Variants in F13A1 observed in about 807,000 individuals in gnomAD.
F13A1 encodes the protein FSF, A subunit.
F13A1 carries 47 observed loss-of-function variants against 80.1 expected under a neutral mutation model. The observed-to-expected ratio is 0.59, with a 90% CI of 0.46 to 0.75. The LOEUF (loss-of-function observed/expected upper bound fraction) is 0.75. Among genes scored for constraint, F13A1 ranks in the 30% least tolerant of loss-of-function variants. F13A1 has a pLI of 0.00. For synonymous variants in F13A1, 349 were observed against 344.9 expected (o/e 1.01, Z -0.13); for missense variants, 817 against 930.4 (o/e 0.88, Z 1.59).
intron 10 of F13A1, among the ~76,000 whole-genome samples, chr6:6,184,820 G>A (rs542575182): frequency 2.0e-5 from 3 of 152,250 alleles, no homozygotes; most frequent in African/African-American, 4.8e-5. Context: ...TGTCCTTTGC[G>A]GAGAGAGGAG....
rs3024474 is a variant in F13A1, at chr6:6,313,865, G to C, written c.130+4670C>G. ...TTGCTCAGGTGCTCAGAGGAAGCTG[G>C]AACAAGAGAAATGAGCCCCATACCT... is the stretch of plus-strand genomic sequence containing the variant. On this transcript the variant is annotated intron_variant, in intron 2 of 14. Transcript: ENST00000264870. Among the ~76,000 whole-genome samples the C allele has an allele frequency of 7.1e-3, 1,085 of 152,168 alleles. 13 individuals are homozygous for C. The highest frequency in any genetic ancestry group is 0.033 in the South Asian group (159 of 4,818).
chr6:6,203,775 C>A (rs1327291478), intron 8 of F13A1, among the ~76,000 whole-genome samples: 1 of 152,024 alleles, frequency 6.6e-6, no homozygotes, highest in African/African-American at 2.4e-5. Flanking sequence ...TGGTATGCAG[C>A]ATTAAAAACA....
At chr6:6,212,501 A>G (rs968087213) in intron 8 of F13A1, among the ~76,000 whole-genome samples, 1 of 152,236 alleles carries the variant, frequency 6.6e-6, no homozygotes, top group African/African-American at 2.4e-5. Context: ...ACAAACAGAA[A>G]GGACATCCAC....
intron 12 of F13A1, among the ~76,000 whole-genome samples, chr6:6,168,404 TTCTC>T (rs3839527): frequency 0.055 from 8,384 of 152,228 alleles, 300 homozygotes; most frequent in South Asian, 0.14. Context: ...CTGGCTCACT[TTCTC>T]TCTAACTCCC....
intron 6 of F13A1, among the ~76,000 whole-genome samples, chr6:6,240,703 A>G (rs947772583): frequency 1.3e-5 from 2 of 152,204 alleles, no homozygotes; most frequent in African/African-American, 4.8e-5. Flanking sequence ...CTGGCTTCCA[A>G]TATATCTGTC....
intron 2 of F13A1, among the ~76,000 whole-genome samples, chr6:6,306,244 A>G (rs1583123668): frequency 1.3e-5 from 2 of 152,234 alleles, no homozygotes; most frequent in Admixed American, 1.3e-4. Context: ...CCAGTTCAAA[A>G]GTCAAAACCT....
intron 12 of F13A1, among the ~76,000 whole-genome samples, chr6:6,170,001 A>G (rs1013214230): frequency 1.3e-5 from 2 of 152,140 alleles, no homozygotes; most frequent in African/African-American, 4.8e-5. Flanking sequence ...CTTTGGACCT[A>G]AGCCTGGACC....
At chr6:6,278,270 C>T (rs114417459) in intron 3 of F13A1, among the ~76,000 whole-genome samples, 1,732 of 152,126 alleles carry the variant, frequency 0.011, 17 homozygotes, top group South Asian at 0.032. Context: ...ATACGTCAAA[C>T]GGAGACAAGT....
At chr6:6,253,569 G>A (rs542605958) in intron 4 of F13A1, among the ~76,000 whole-genome samples, 11 of 152,294 alleles carry the variant, frequency 7.2e-5, no homozygotes, top group Middle Eastern at 6.8e-3. Flanking sequence ...TGTTCCCACC[G>A]GAAGCAGAGC....
At chr6:6,280,230 G>T (rs963037110) in intron 3 of F13A1, among the ~76,000 whole-genome samples, 1 of 152,166 alleles carries the variant, frequency 6.6e-6, no homozygotes, top group African/African-American at 2.4e-5. Context: ...GAGACAGGGT[G>T]GTGAATGTGC....
chr6:6,238,408 A>G (rs1357932066), intron 6 of F13A1, among the ~76,000 whole-genome samples: 2 of 152,152 alleles, frequency 1.3e-5, no homozygotes, highest in African/African-American at 4.8e-5. Context: ...AAGCTTCAAA[A>G]ATAAAACATA....
intron 8 of F13A1, among the ~76,000 whole-genome samples, chr6:6,219,097 G>C (rs1757148920): frequency 6.6e-6 from 1 of 152,118 alleles, no homozygotes; most frequent in African/African-American, 2.4e-5. Flanking sequence ...AGAGGAGAGG[G>C]GCCCCAGCCA....
chr6:6,243,941 C>T lies in F13A1; in HGVS notation c.798+4371G>A, dbSNP rs1461972095. ...CATCTCCTTGGGGGAAATTCTCTGC[C>T]CATAGTTGCTGCCAGATCCTATCAG... is the stretch of plus-strand genomic sequence containing the variant. On this transcript the variant is annotated intron_variant, in intron 6 of 14. Coordinates refer to ENST00000264870, the MANE Select transcript of F13A1 (RefSeq NM_000129.4). This position sits in a 1 kb window ranked among gnomAD's most constrained non-coding sequence, Gnocchi z 4.2. Among the ~76,000 whole-genome samples the T allele has an allele frequency of 6.6e-6, 1 of 152,160 alleles. No individual in the cohort carries two copies. Among genetic ancestry groups the T allele is most frequent in the Non-Finnish European group, 1.5e-5 (1 of 68,036 alleles).
At chr6:6,282,701 C>T (rs148758346) in intron 3 of F13A1, among the ~76,000 whole-genome samples, 17 of 152,234 alleles carry the variant, frequency 1.1e-4, no homozygotes, top group African/African-American at 3.9e-4. Flanking sequence ...TTGGGAGTTG[C>T]CTTAGCAGAA....
intron 3 of F13A1, among the ~76,000 whole-genome samples, chr6:6,276,243 T>C (rs1309608030): frequency 6.6e-6 from 1 of 152,210 alleles, no homozygotes; most frequent in African/African-American, 2.4e-5. Context: ...AAAGAGAGGA[T>C]TGGAAGCAGG....
chr6:6,214,714 C>A (rs1258540374), intron 8 of F13A1, among the ~76,000 whole-genome samples: 1,043 of 58,744 alleles, frequency 0.018, no homozygotes, highest in Middle Eastern at 0.02. Context: ...ACACAAAAAA[C>A]CCTTCAAAAA....
At chr6:6,180,992 T>G (rs999137940) in intron 11 of F13A1, among the ~76,000 whole-genome samples, 1 of 152,244 alleles carries the variant, frequency 6.6e-6, no homozygotes, top group Non-Finnish European at 1.5e-5. Context: ...GTGAATCATT[T>G]GCAAAATATG....
At chr6:6,286,385 C>CA (rs1485106233) in intron 3 of F13A1, among the ~76,000 whole-genome samples, 5 of 152,090 alleles carry the variant, frequency 3.3e-5, no homozygotes, top group East Asian at 1.9e-4. Context: ...GAGTCTGTCT[C>CA]AAAAAAACGA....
chr6:6,201,351 G>A (rs970620747), intron 8 of F13A1, among the ~76,000 whole-genome samples: 6 of 152,178 alleles, frequency 3.9e-5, no homozygotes, highest in Non-Finnish European at 1.5e-5. Flanking sequence ...TGTATTTAGG[G>A]TGGGAGTTTC....
Sources: gnomAD v4.1 joint callset for allele counts (sites outside exome capture counted in the v4.1 genomes callset) on GRCh38, gnomAD v4.1.1 for gene constraint, Gnocchi (gnomAD v3.1) non-coding constraint, MANE v1.5 for transcripts, NCBI Gene and HGNC (gene_info 2026-07-23, HGNC 2026-07-21) for gene names.